Variants in FOXJ3 observed in about 807,000 individuals in gnomAD.
The protein encoded by FOXJ3 is forkhead box protein J3.
A neutral mutation model predicts 76.1 loss-of-function variants in FOXJ3; 22 were observed. The observed-to-expected ratio is 0.29, with a 90% CI of 0.21 to 0.41. FOXJ3 has a LOEUF of 0.41. Among genes scored for constraint, FOXJ3 ranks in the 10% least tolerant of loss-of-function variants. The pLI is 1.00. For synonymous variants in FOXJ3, 269 were observed against 261.2 expected (o/e 1.03, Z -0.29); for missense variants, 613 against 762.1 (o/e 0.80, Z 2.30).
intron 2 of FOXJ3, among the ~76,000 whole-genome samples, chr1:42,302,299 T>A (rs971499942): frequency 6.6e-6 from 1 of 152,252 alleles, no homozygotes; most frequent in Admixed American, 6.5e-5. Context: ...AAGAGCCAGC[T>A]GAAGCCATTG....
intron 2 of FOXJ3, among the ~76,000 whole-genome samples, chr1:42,303,377 G>C (rs1007267536): frequency 2.0e-5 from 3 of 152,196 alleles, no homozygotes; most frequent in Admixed American, 2.0e-4. Flanking sequence ...AGTAAGAAGA[G>C]AGAGATGTGA....
chr1:42,188,986 A>G, intron 10 of FOXJ3, 58 bp from the exon 11 acceptor site: 1 of 1,122,816 alleles, frequency 8.9e-7, no homozygotes. Flanking sequence ...ATTGCAAGGA[A>G]AATAGCAAGA....
intron 4 of FOXJ3, among the ~76,000 whole-genome samples, chr1:42,251,108 T>A (rs1211501854): frequency 7.9e-5 from 12 of 151,944 alleles, no homozygotes; most frequent in Non-Finnish European, 1.5e-4. Context: ...GGAATAAATA[T>A]AAAAACACTA....
chr1:42,310,500 T>G (rs953364845), intron 2 of FOXJ3, among the ~76,000 whole-genome samples: 1 of 148,516 alleles, frequency 6.7e-6, no homozygotes, highest in Non-Finnish European at 1.5e-5. Flanking sequence ...CAGGCTGGAG[T>G]GCAGTGGCAC....
At chr1:42,216,090 A>T (rs1022158588) in intron 5 of FOXJ3, among the ~76,000 whole-genome samples, 3 of 152,190 alleles carry the variant, frequency 2.0e-5, no homozygotes, top group Admixed American at 6.5e-5. Context: ...GGAAAGAAAA[A>T]CTAAGTGAAT....
chr1:42,211,618 A>C (rs1470189905), intron 5 of FOXJ3, among the ~76,000 whole-genome samples: 2 of 152,172 alleles, frequency 1.3e-5, no homozygotes, highest in African/African-American at 4.8e-5. Flanking sequence ...TATTCAACTC[A>C]GTGAATAAAG....
intron 2 of FOXJ3, among the ~76,000 whole-genome samples, chr1:42,306,954 C>G (rs1654508670): frequency 6.6e-6 from 1 of 152,162 alleles, no homozygotes; most frequent in African/African-American, 2.4e-5. Flanking sequence ...CTGCAGCACC[C>G]CTACCCGTAT....
chr1:42,255,842 G>A (rs987408766), intron 4 of FOXJ3, among the ~76,000 whole-genome samples: 1 of 152,084 alleles, frequency 6.6e-6, no homozygotes, highest in Admixed American at 6.5e-5. Flanking sequence ...CCAATATAGT[G>A]AAACCCCGTC....
rs1191860803 is a variant in FOXJ3, at chr1:42,184,706, G to GA, written c.1646-2683dup. On this transcript the variant is annotated intron_variant, in intron 11 of 12. Coordinates refer to ENST00000361346, the MANE Select transcript of FOXJ3 (RefSeq NM_014947.5). ...ACATGCTATGGAAAAAAAGCAGAGA[G>GA]AGAGAACAAGGACTGCTGAGTAGTG... Among the ~76,000 whole-genome samples, 3 of 152,124 alleles carry GA rather than the reference G, an allele frequency of 2.0e-5. No individual in the cohort carries two copies. The East Asian group carries it at 5.8e-4, about 29-fold the overall frequency.
At chr1:42,187,595 G>C (rs1158806946) in intron 11 of FOXJ3, among the ~76,000 whole-genome samples, 1 of 152,162 alleles carries the variant, frequency 6.6e-6, no homozygotes, top group Non-Finnish European at 1.5e-5. Flanking sequence ...GGGCACATAA[G>C]TGAGGATACC....
Position 42,199,180 on chromosome 1 carries a change from G to T in FOXJ3, c.681C>A (p.Ser227Arg). ...TCTGGTCTGAGAGACTGTTGTTAAG[G>T]CTACTGCGTGGGCTATCACTACCAT... ...DQDGSDSPRS[S>R]LNNSLSDQSL... Residue 227 changes from serine to arginine, a missense_variant, in exon 7 of 13, where the codon AGC becomes AGA. By Grantham distance (110) the Ser-to-Arg change is moderately radical. Around this residue, in one of 3 missense-constraint regions of FOXJ3, gnomAD observed 526 missense variants for 601.4 expected, o/e 0.87. Coordinates refer to ENST00000361346, the MANE Select transcript of FOXJ3 (RefSeq NM_014947.5). 1.2e-6 allele frequency: 2 copies of T among 1,612,718 alleles called. No individual in the cohort carries two copies. Among genetic ancestry groups the T allele is most frequent in the Non-Finnish European group, 1.7e-6 (2 of 1,178,756 alleles).
At chr1:42,245,174 A>G (rs912704625) in intron 4 of FOXJ3, among the ~76,000 whole-genome samples, 1 of 151,888 alleles carries the variant, frequency 6.6e-6, no homozygotes, top group African/African-American at 2.4e-5. Context: ...CTCAAAAAAA[A>G]AAAAAAAAAA....
intron 4 of FOXJ3, among the ~76,000 whole-genome samples, chr1:42,250,250 C>T (rs1016427604): frequency 3.3e-5 from 5 of 152,090 alleles, no homozygotes; most frequent in Non-Finnish European, 7.4e-5. Flanking sequence ...ATTTTGTTTT[C>T]GTATAAAAAC....
chr1:42,282,523 T>C (rs896359748), intron 2 of FOXJ3, among the ~76,000 whole-genome samples: 6 of 152,176 alleles, frequency 3.9e-5, no homozygotes, highest in Non-Finnish European at 5.9e-5. Flanking sequence ...ACATGCATAG[T>C]TGAATCATAT....
intron 3 of FOXJ3, among the ~76,000 whole-genome samples, chr1:42,270,682 T>C (rs553054552): frequency 9.9e-5 from 15 of 152,280 alleles, no homozygotes; most frequent in East Asian, 1.9e-4. Context: ...GCCATGCTGA[T>C]TGGCCTTAAA....
At chr1:42,218,039 A>G (rs1158220919) in intron 5 of FOXJ3, among the ~76,000 whole-genome samples, 1 of 152,210 alleles carries the variant, frequency 6.6e-6, no homozygotes, top group Non-Finnish European at 1.5e-5. Context: ...GCTCCCACAT[A>G]ATGTACACTC....
chr1:42,333,917 CAAAAT>C (rs1656307531), intron 1 of FOXJ3, among the ~76,000 whole-genome samples: 1 of 152,028 alleles, frequency 6.6e-6, no homozygotes, highest in South Asian at 2.1e-4. Flanking sequence ...CACTGGGAAA[CAAAAT>C]AGAAGGAAGA....
At chr1:42,331,124 T>C (rs553052144) in intron 1 of FOXJ3, among the ~76,000 whole-genome samples, 16 of 152,258 alleles carry the variant, frequency 1.1e-4, no homozygotes, top group African/African-American at 2.9e-4. Flanking sequence ...CTTACACCTG[T>C]AGTCTCAGCA....
At chr1:42,226,222 TA>T (rs35054730) in intron 5 of FOXJ3, among the ~76,000 whole-genome samples, 12,473 of 141,442 alleles carry the variant, frequency 0.088, 1,639 homozygotes, top group African/African-American at 0.29. Context: ...GAGGAGTGCT[TA>T]AAAAAAAAAA....
Sources: gnomAD v4.1 joint callset for allele counts (sites outside exome capture counted in the v4.1 genomes callset) on GRCh38, gnomAD v4.1.1 for gene constraint, gnomAD v4.1.1 regional missense constraint, MANE v1.5 for transcripts, NCBI Gene and HGNC (gene_info 2026-07-23, HGNC 2026-07-21) for gene names.